Variants in HRH1 observed in about 807,000 individuals in gnomAD.
The protein encoded by HRH1 is histamine receptor H1, also known as histamine H1 receptor.
A neutral mutation model predicts 10.3 loss-of-function variants in HRH1; 6 were observed. The ratio of observed to expected loss-of-function variants is 0.58; its 90% CI spans 0.32 to 1.15. HRH1 has a LOEUF of 1.15. HRH1 is among the 50% of genes most tolerant of loss of function. HRH1 has a pLI of 0.05. For synonymous variants in HRH1, 242 were observed against 236.7 expected (o/e 1.02, Z -0.21); for missense variants, 514 against 615.3 (o/e 0.84, Z 1.74).
intron 1 of HRH1, among the ~76,000 whole-genome samples, chr3:11,139,444 T>A (rs1012282648): frequency 1.3e-5 from 2 of 152,078 alleles, no homozygotes; most frequent in African/African-American, 2.4e-5. Flanking sequence ...CACGCCCAGC[T>A]AATTTTTATA....
intron 1 of HRH1, among the ~76,000 whole-genome samples, chr3:11,181,209 C>T (rs2343862): frequency 0.086 from 13,052 of 152,120 alleles, 726 homozygotes; most frequent in South Asian, 0.21. Context: ...CTCCTGATCC[C>T]GGGAGGTTGA....
chr3:11,247,410 C>G (rs117939919), intron 1 of HRH1, among the ~76,000 whole-genome samples: 1 of 152,206 alleles, frequency 6.6e-6, no homozygotes. Flanking sequence ...GTTTTTATCC[C>G]TAATGCAGTT....
Position 11,259,689 on chromosome 3 carries a change from C to A in HRH1, c.652C>A (p.Arg218=), listed in dbSNP as rs771044880. 4 of 1,613,966 alleles carry A rather than the reference C, an allele frequency of 2.5e-6. No homozygotes were observed. In the African/African-American group the frequency reaches 4.0e-5, roughly 16 times the overall value. Residue 218 remains arginine (R), a synonymous_variant, in exon 2 of 2, where the codon CGA becomes AGA. Transcript: ENST00000431010. This position sits in a 1 kb window ranked among gnomAD's most constrained non-coding sequence, Gnocchi z 4.6. ...CTATGCCAAGATCTACAAGGCCGTA[C>A]GACAACACTGCCAGCACCGGGAGCT... ...WFYAKIYKAV[R]QHCQHRELIN...
chr3:11,142,735 A>G (rs1936316057), intron 1 of HRH1, among the ~76,000 whole-genome samples: 2 of 152,180 alleles, frequency 1.3e-5, no homozygotes, highest in African/African-American at 4.8e-5. Flanking sequence ...CAACACAGTG[A>G]AACCCTGTCT....
intron 1 of HRH1, among the ~76,000 whole-genome samples, chr3:11,165,500 A>T (rs1260552850): frequency 6.6e-6 from 1 of 152,218 alleles, no homozygotes; most frequent in Non-Finnish European, 1.5e-5. Context: ...AAACACACAC[A>T]CACGCAAGAA....
chr3:11,222,076 TA>T (rs1938727823), intron 1 of HRH1, among the ~76,000 whole-genome samples: 1 of 152,206 alleles, frequency 6.6e-6, no homozygotes, highest in Non-Finnish European at 1.5e-5. Context: ...AGTTTCTCTT[TA>T]AAAGTGTCCA....
intron 1 of HRH1, among the ~76,000 whole-genome samples, chr3:11,237,818 A>G (rs1939228320): frequency 6.6e-6 from 1 of 151,222 alleles, no homozygotes; most frequent in South Asian, 2.1e-4. Context: ...TGGGATTACA[A>G]GCATGCGCCA....
At chr3:11,233,181 C>T (rs1436390860) in intron 1 of HRH1, among the ~76,000 whole-genome samples, 1 of 152,168 alleles carries the variant, frequency 6.6e-6, no homozygotes, top group Non-Finnish European at 1.5e-5. Context: ...TTTCTCAAAG[C>T]ACATTATCAT....
intron 1 of HRH1, among the ~76,000 whole-genome samples, chr3:11,175,562 T>C (rs982184892): frequency 6.6e-6 from 1 of 152,156 alleles, no homozygotes; most frequent in African/African-American, 2.4e-5. Context: ...AAAGCAGTAG[T>C]AATAATACTA....
At chr3:11,215,624 G>A (rs973863805) in intron 1 of HRH1, among the ~76,000 whole-genome samples, 3 of 152,166 alleles carry the variant, frequency 2.0e-5, no homozygotes, top group Non-Finnish European at 4.4e-5. Flanking sequence ...GTATTTTTTA[G>A]TAGAGACAGG....
intron 1 of HRH1, among the ~76,000 whole-genome samples, chr3:11,186,053 C>G (rs868819977): frequency 6.6e-6 from 1 of 152,180 alleles, no homozygotes; most frequent in African/African-American, 2.4e-5. Context: ...CCTTGCTCCT[C>G]CTGCCCACCT....
chr3:11,253,789 T>G (rs1209596782), intron 1 of HRH1, among the ~76,000 whole-genome samples: 1 of 152,212 alleles, frequency 6.6e-6, no homozygotes, highest in African/African-American at 2.4e-5. Context: ...TGTATCATGC[T>G]CCTTTCTTCT....
chr3:11,231,169 T>A (rs891672047), intron 1 of HRH1, among the ~76,000 whole-genome samples: 8 of 152,232 alleles, frequency 5.3e-5, no homozygotes, highest in African/African-American at 1.9e-4. Context: ...TTGATGGGAA[T>A]AGGACTGGTG....
intron 1 of HRH1, among the ~76,000 whole-genome samples, chr3:11,183,226 G>C (rs1937389858): frequency 6.6e-6 from 1 of 152,146 alleles, no homozygotes; most frequent in African/African-American, 2.4e-5. Flanking sequence ...TGCTGAGTTT[G>C]GGGGACAAGG....
chr3:11,190,243 G>A (rs965279440), intron 1 of HRH1, among the ~76,000 whole-genome samples: 1 of 152,080 alleles, frequency 6.6e-6, no homozygotes, highest in Non-Finnish European at 1.5e-5. Context: ...CGGGTGTGGT[G>A]GCTCACACCT....
In HRH1 at chr3:11,260,548, C is replaced by T. The variant is rs200338344; in HGVS notation, c.*47C>T. On this transcript the variant is annotated 3_prime_UTR_variant, in exon 2 of 2. Coordinates refer to ENST00000431010, the MANE Select transcript of HRH1 (RefSeq NM_001098212.2). Reference sequence around the variant, plus strand: ...ACAAAATGATCCTTATGATGTCCAACAAGGAAATAGAGGACGAAGGCCTGT... The same window carrying T: ...ACAAAATGATCCTTATGATGTCCAATAAGGAAATAGAGGACGAAGGCCTGT... 3 of 1,512,048 alleles carry T rather than the reference C, an allele frequency of 2.0e-6. No homozygotes were observed. The highest frequency in any genetic ancestry group is 1.3e-5 in the South Asian group (1 of 76,036). 93.7% of individuals were successfully genotyped at this position (1,512,048 alleles called of 1,614,324 possible).
intron 1 of HRH1, among the ~76,000 whole-genome samples, chr3:11,177,280 A>T (rs1006935661): frequency 6.6e-6 from 1 of 151,716 alleles, no homozygotes; most frequent in Admixed American, 6.6e-5. Flanking sequence ...TAAATAAATA[A>T]ATAAAGTTAA....
Position 11,260,297 on chromosome 3 carries a change from C to T in HRH1, c.1260C>T (p.Ile420=). 1 of 1,614,178 alleles carries T rather than the reference C, an allele frequency of 6.2e-7. No individual in the cohort carries two copies. Among genetic ancestry groups the T allele is most frequent in the Non-Finnish European group, 8.5e-7 (1 of 1,180,002 alleles). ...ERKAAKQLGF[I]MAAFILCWIP... ...AGGCCGCCAAACAGTTGGGTTTTAT[C>T]ATGGCAGCCTTCATCCTCTGCTGGA... is the stretch of plus-strand genomic sequence containing the variant. The change falls in exon 2 of 2, where the codon ATC becomes ATT. Residue 420 remains isoleucine (I), a synonymous_variant. Transcript: ENST00000431010.
intron 1 of HRH1, among the ~76,000 whole-genome samples, chr3:11,242,772 G>A (rs1207552918): frequency 2.0e-5 from 3 of 152,100 alleles, no homozygotes; most frequent in African/African-American, 7.2e-5. Flanking sequence ...TGGACCAAAA[G>A]GTATGGTACA....
Sources: allele counts gnomAD v4.1 joint callset (sites outside exome capture counted in the v4.1 genomes callset), GRCh38; gene constraint gnomAD v4.1.1; non-coding constraint Gnocchi (gnomAD v3.1); transcripts MANE v1.5; gene names NCBI Gene and HGNC (gene_info 2026-07-23, HGNC 2026-07-21).